PLCH1: variants seen among roughly 807,000 people sequenced by gnomAD.
The protein encoded by PLCH1 is phospholipase C eta 1.
PLCH1 carries 60 observed loss-of-function variants against 126.7 expected under a neutral mutation model. That is an observed-to-expected ratio of 0.47 (90% CI 0.38 to 0.59). PLCH1 has a LOEUF of 0.59. Ranked by LOEUF, PLCH1 falls within the 20% of genes least tolerant of loss-of-function variation. The pLI is 0.00. For synonymous variants in PLCH1, 719 were observed against 734.9 expected (o/e 0.98, Z 0.35); for missense variants, 1,723 against 2,040.0 (o/e 0.84, Z 2.99).
intron 19 of PLCH1, among the ~76,000 whole-genome samples, chr3:155,490,169 G>T (rs1476953952): frequency 6.6e-6 from 1 of 152,146 alleles, no homozygotes; most frequent in Non-Finnish European, 1.5e-5. Flanking sequence ...AATCACAAGA[G>T]ATTGAGGAAA....
intron 4 of PLCH1, among the ~76,000 whole-genome samples, chr3:155,592,473 C>T (rs576342358): frequency 1.1e-3 from 119 of 111,618 alleles, no homozygotes; most frequent in African/African-American, 3.4e-3. Context: ...CCAGCCTGGA[C>T]GACAGAGCAA....
At chr3:155,501,701 A>G (rs765187778) in intron 13 of PLCH1, among the ~76,000 whole-genome samples, 1 of 152,126 alleles carries the variant, frequency 6.6e-6, no homozygotes, top group Non-Finnish European at 1.5e-5. Flanking sequence ...AGGTGGAGGC[A>G]GAAGAATCGC....
At chr3:155,626,337 C>T (rs1189049710) in intron 2 of PLCH1, among the ~76,000 whole-genome samples, 1 of 152,140 alleles carries the variant, frequency 6.6e-6, no homozygotes, top group Non-Finnish European at 1.5e-5. Flanking sequence ...ACACATATTT[C>T]AATTTCAATC....
intron 21 of PLCH1, among the ~76,000 whole-genome samples, chr3:155,458,895 T>C (rs1712600667): frequency 6.6e-6 from 1 of 152,218 alleles, no homozygotes; most frequent in African/African-American, 2.4e-5. Flanking sequence ...CTTTCTTTAC[T>C]GCACTCTTTT....
chr3:155,633,544 T>C (rs759818512), intron 2 of PLCH1, among the ~76,000 whole-genome samples: 10 of 152,170 alleles, frequency 6.6e-5, no homozygotes, highest in Non-Finnish European at 1.2e-4. Context: ...TTATTACTGC[T>C]ATATCTCCCA....
intron 8 of PLCH1, among the ~76,000 whole-genome samples, chr3:155,561,276 T>TCC: frequency 1.3e-5 from 1 of 77,210 alleles, no homozygotes; most frequent in Admixed American, 1.7e-4. Context: ...GTGCTATCCC[T>TCC]CCCCCCCTCC....
intron 10 of PLCH1, among the ~76,000 whole-genome samples, chr3:155,548,507 T>A (rs763603309): frequency 6.6e-6 from 1 of 152,188 alleles, no homozygotes; most frequent in Non-Finnish European, 1.5e-5. Context: ...ACTCAATTAG[T>A]CCACATTAAA....
intron 2 of PLCH1, among the ~76,000 whole-genome samples, chr3:155,676,730 T>G (rs1744123684): frequency 6.6e-6 from 1 of 152,166 alleles, no homozygotes; most frequent in Non-Finnish European, 1.5e-5. Context: ...CTGATTTTAT[T>G]CACACACAAA....
intron 10 of PLCH1, among the ~76,000 whole-genome samples, chr3:155,526,522 A>ACACACACG (rs1721972183): frequency 6.6e-6 from 1 of 151,054 alleles, no homozygotes; most frequent in Non-Finnish European, 1.5e-5. Context: ...ACACACACAC[A>ACACACACG]CACACACACT....
chr3:155,592,902 A>G (rs1182116689), intron 4 of PLCH1, among the ~76,000 whole-genome samples: 2 of 152,212 alleles, frequency 1.3e-5, no homozygotes, highest in African/African-American at 4.8e-5. Flanking sequence ...TCTAAATCCC[A>G]GTTGCCTTTA....
intron 2 of PLCH1, among the ~76,000 whole-genome samples, chr3:155,598,692 C>A (rs1051935222): frequency 6.6e-6 from 1 of 152,190 alleles, no homozygotes; most frequent in Non-Finnish European, 1.5e-5. Context: ...CACTTACTAA[C>A]TGTATGACTA....
chr3:155,453,160 A>T (rs933500582), intron 21 of PLCH1, among the ~76,000 whole-genome samples: 2 of 152,212 alleles, frequency 1.3e-5, no homozygotes, highest in Admixed American at 6.5e-5. Flanking sequence ...TCTGAATTAA[A>T]TCTTAACACT....
At chr3:155,564,433 T>C (rs1308633587) in intron 8 of PLCH1, among the ~76,000 whole-genome samples, 1 of 151,908 alleles carries the variant, frequency 6.6e-6, no homozygotes, top group Non-Finnish European at 1.5e-5. Flanking sequence ...GGTGTGGTGG[T>C]GTGCACCTGT....
At chr3:155,695,435 C>T (rs1467223707) in intron 2 of PLCH1, among the ~76,000 whole-genome samples, 1 of 152,192 alleles carries the variant, frequency 6.6e-6, no homozygotes, top group Admixed American at 6.5e-5. Context: ...AGTCAGAGAA[C>T]TGATGCATTT....
intron 2 of PLCH1, among the ~76,000 whole-genome samples, chr3:155,642,718 G>T (rs1739548931): frequency 6.6e-6 from 1 of 152,164 alleles, no homozygotes; most frequent in South Asian, 2.1e-4. Context: ...AGCCAGCTGT[G>T]ACTTCATTTT....
intron 2 of PLCH1, among the ~76,000 whole-genome samples, chr3:155,613,576 GAA>G (rs1422329048): frequency 6.6e-6 from 1 of 152,112 alleles, no homozygotes; most frequent in African/African-American, 2.4e-5. Context: ...AACAGACACA[GAA>G]AAAGTGTTTG....
At chr3:155,622,899 T>G (rs1403291806) in intron 2 of PLCH1, among the ~76,000 whole-genome samples, 1 of 152,216 alleles carries the variant, frequency 6.6e-6, no homozygotes, top group African/African-American at 2.4e-5. Flanking sequence ...AACTCAGCTC[T>G]GGAACCAGCA....
At chr3:155,469,322 C>A (rs1230009581) in intron 21 of PLCH1, among the ~76,000 whole-genome samples, 1 of 152,184 alleles carries the variant, frequency 6.6e-6, no homozygotes, top group Admixed American at 6.5e-5. Context: ...GATGGACACA[C>A]CTGGAAAATC....
rs2108138372 is a variant in PLCH1 at position 155,500,731 on chromosome 3, T to C, written c.1768A>G (p.Thr590Ala). 2 of 1,613,264 alleles carry C rather than the reference T, an allele frequency of 1.2e-6. No individual in the cohort carries two copies. The highest frequency in any genetic ancestry group is 8.5e-7 in the Non-Finnish European group (1 of 1,179,212). Residue 590 changes from threonine (T) to alanine (A), a missense_variant, in exon 14 of 23, where the codon ACT (threonine) becomes GCT (alanine). This residue lies in a region of PLCH1 where 776 missense variants were observed against 1,062.9 expected (regional missense o/e 0.73). Coordinates refer to ENST00000460012, the MANE Select transcript of PLCH1 (RefSeq NM_014996.4). Reference sequence around the variant, plus strand: ...TACAGCTGGCCACCCTCCTTGCCAGTACTCTGCTGTGTGTCTTCCTCATCA... The same window carrying C: ...TACAGCTGGCCACCCTCCTTGCCAGCACTCTGCTGTGTGTCTTCCTCATCA... ...TDDEEDTQQSTGKEGGQLYRL... is the reference protein window; with the variant it reads ...TDDEEDTQQSAGKEGGQLYRL...
Sources: gnomAD v4.1 joint callset for allele counts (sites outside exome capture counted in the v4.1 genomes callset) on GRCh38, gnomAD v4.1.1 for gene constraint, gnomAD v4.1.1 regional missense constraint, MANE v1.5 for transcripts, NCBI Gene and HGNC (gene_info 2026-07-23, HGNC 2026-07-21) for gene names.